S1PR3: variants seen among roughly 807,000 people sequenced by gnomAD.
S1PR3 encodes sphingosine 1-phosphate receptor 3.
In S1PR3, 12 loss-of-function variants were observed where a neutral mutation model predicts 13.3. That is an observed-to-expected ratio of 0.90 (90% confidence interval 0.58 to 1.46). The LOEUF (loss-of-function observed/expected upper bound fraction) is 1.46. Among genes scored for constraint, S1PR3 ranks in the 40% most tolerant of loss-of-function variants. The pLI is 0.00. For missense variants in S1PR3, 450 were observed against 501.9 expected, an observed-to-expected ratio of 0.90 and a Z score of 0.99; for synonymous variants, 232 against 214.0, an observed-to-expected ratio of 1.08 and a Z score of -0.73.
rs1564063245 is a variant in S1PR3 at position 89,001,145 on chromosome 9, G to A, written c.-56G>A. The stretch of plus-strand genomic sequence containing the variant: ...AGCCCCGCTTCCCTTTGAAATGAAT[G>A]TTCCTGGGGCGCCCTCTCGTGGATT... On this transcript the variant is annotated 5_prime_UTR_variant, in exon 2 of 2. It removes an upstream start codon present in the reference 5' UTR. Transcript: ENST00000358157. 6.3e-7 allele frequency: 1 copy of A among 1,578,516 alleles called. No individual in the cohort carries two copies. The highest frequency in any genetic ancestry group is 1.2e-5 in the South Asian group (1 of 85,836).
In S1PR3 at chr9:88,991,546, A is replaced by G; in HGVS notation, c.-297A>G. Reference sequence around the variant, plus strand: ...AGGCGGCTGCAGGACGCGACCGAGCAGGACCCCAGGCCCGGGAACGACGTC... The same window carrying G: ...AGGCGGCTGCAGGACGCGACCGAGCGGGACCCCAGGCCCGGGAACGACGTC... On this transcript the variant is annotated 5_prime_UTR_variant, in exon 1 of 2. Transcript: ENST00000358157. This position sits in a 1 kb window ranked among gnomAD's most constrained non-coding sequence, Gnocchi z 4.0. 2 of 1,546,958 alleles carry G rather than the reference A, an allele frequency of 1.3e-6. No homozygotes were observed. Among genetic ancestry groups the G allele is most frequent in the Non-Finnish European group, 8.7e-7 (1 of 1,145,782 alleles).
rs373129056 is a variant in S1PR3 at position 89,001,845 on chromosome 9, C to T, written c.645C>T (p.Tyr215=). 2.7e-5 allele frequency: 43 copies of T among 1,614,120 alleles called. No individual in the cohort carries two copies. The highest frequency in any genetic ancestry group is 3.4e-5 in the Non-Finnish European group (40 of 1,180,052). ...TAILVTIVIL[Y]ARIYFLVKSS... ...TCCTGGTGACCATCGTGATCCTCTA[C>T]GCACGCATCTACTTCCTGGTGAAGT... is the stretch of plus-strand genomic sequence containing the variant. The change falls in exon 2 of 2, where the codon TAC becomes TAT. Residue 215 remains tyrosine, a synonymous_variant. Transcript: ENST00000358157.
In S1PR3 at chr9:88,992,355, T is replaced by G. The variant is rs372661248; in HGVS notation, c.-148+660T>G. 5.4e-5 allele frequency: 14 copies of G among 257,298 alleles called. No individual in the cohort carries two copies. In the East Asian group the frequency reaches 6.3e-4, roughly 12 times the overall value. 15.9% of individuals were successfully genotyped at this position (257,298 alleles called of 1,614,324 possible). On this transcript the variant is annotated intron_variant, in intron 1 of 1. Transcript: ENST00000358157. ...AATGGTATATTTCTTTGTGGTGTTT[T>G]TATATTTGGATATAAGAGAGGAACT... is the stretch of plus-strand genomic sequence containing the variant.
chr9:88,999,409 C>T (rs1377719229), intron 1 of S1PR3: 3 of 152,230 alleles, frequency 2.0e-5, no homozygotes, highest in African/African-American at 7.2e-5. Context: ...TCCAGAGGGT[C>T]ACGAGGATAC....
Position 89,002,341 on chromosome 9 carries a change from T to A in S1PR3, c.*4T>A. ...GAATGGGATCTTCTGCAACTGATCG[T>A]CTCCATGCGCCCTGCTCTGCGGCTG... On this transcript the variant is annotated 3_prime_UTR_variant, in exon 2 of 2. Transcript: ENST00000358157. The A allele has an allele frequency of 6.2e-7, 1 of 1,613,534 alleles. No homozygotes were observed. The highest frequency in any genetic ancestry group is 1.1e-5 in the South Asian group (1 of 91,044).
At chr9:88,993,844 T>C (rs1379465192) in intron 1 of S1PR3, 2 of 152,328 alleles carry the variant, frequency 1.3e-5, no homozygotes, top group Non-Finnish European at 2.9e-5. Context: ...AGTGACGAGA[T>C]TGTCCAGTGC....
chr9:89,003,583 A>AT lies in S1PR3; in HGVS notation c.*1251dup, dbSNP rs1345005297. The AT allele has an allele frequency of 1.2e-5, 2 of 167,126 alleles. No individual in the cohort carries two copies. The highest frequency in any genetic ancestry group is 3.8e-4 in the East Asian group (2 of 5,204). The allele number at this position is 167,126 out of a possible 1,614,324, so 10.4% of individuals were successfully genotyped here. A position where few individuals can be genotyped will look rare whatever the true frequency, so the allele number is the denominator to read the frequency against. ...CTTGTAAAGGGATTACTTAGAAGACATTTTTGTACATGCTCTTCCCCAAGG... is the reference window on the plus strand; with the variant it reads ...CTTGTAAAGGGATTACTTAGAAGACATTTTTTGTACATGCTCTTCCCCAAGG... On this transcript the variant is annotated 3_prime_UTR_variant, in exon 2 of 2. Coordinates refer to ENST00000358157, the MANE Select transcript of S1PR3 (RefSeq NM_005226.4).
In S1PR3 at chr9:89,002,473, T is replaced by TA; in HGVS notation, c.*137dup. On this transcript the variant is annotated 3_prime_UTR_variant, in exon 2 of 2. Coordinates refer to ENST00000358157, the MANE Select transcript of S1PR3 (RefSeq NM_005226.4). ...CAGCCTGCCCAGTGTGGATGTCTCTTACAGAGGGGGCCCAAGGAATCACCA... is the reference window on the plus strand; with the variant it reads ...CAGCCTGCCCAGTGTGGATGTCTCTTAACAGAGGGGGCCCAAGGAATCACCA... 2.8e-6 allele frequency: 3 copies of TA among 1,079,606 alleles called. No homozygotes were observed. Among genetic ancestry groups the TA allele is most frequent in the Non-Finnish European group, 4.0e-6 (3 of 754,758 alleles). The allele number at this position is 1,079,606 out of a possible 1,614,324, so 66.9% of individuals were successfully genotyped here.
rs1183845350 is a variant in S1PR3 at position 89,004,450 on chromosome 9, CA to C, written c.*2117del. 6.0e-6 allele frequency: 1 copy of C among 166,824 alleles called. No homozygotes were observed. Among genetic ancestry groups the C allele is most frequent in the African/African-American group, 2.4e-5 (1 of 41,406 alleles). The allele number at this position is 166,824 out of a possible 1,614,324, so 10.3% of individuals were successfully genotyped here. On this transcript the variant is annotated 3_prime_UTR_variant, in exon 2 of 2. Transcript: ENST00000358157. Reference sequence around the variant, plus strand: ...ACAACAACAAAATGCATCAGAGAGCCAAAACATTCAGTATTGCATTTTCACA... The same window carrying C: ...ACAACAACAAAATGCATCAGAGAGCCAAACATTCAGTATTGCATTTTCACA...
In S1PR3 at chr9:89,003,788, T is replaced by G. The variant is rs758805983; in HGVS notation, c.*1451T>G. On this transcript the variant is annotated 3_prime_UTR_variant, in exon 2 of 2. Coordinates refer to ENST00000358157, the MANE Select transcript of S1PR3 (RefSeq NM_005226.4). ...TAGGTTCAGTGAGCATTTGCCTGAA[T>G]AAAACCTAAAAGAGTAGTCTTAACA... 1.2e-5 allele frequency: 2 copies of G among 165,946 alleles called. No homozygotes were observed. Among genetic ancestry groups the G allele is most frequent in the African/African-American group, 4.8e-5 (2 of 41,472 alleles). 10.3% of individuals were successfully genotyped at this position (165,946 alleles called of 1,614,324 possible).
At chr9:88,994,484 C>G (rs1448206168) in intron 1 of S1PR3, 2 of 166,986 alleles carry the variant, frequency 1.2e-5, no homozygotes, top group Admixed American at 1.3e-4. Context: ...CTGTGGAAAT[C>G]TTGAGAATCA....
Position 88,991,982 on chromosome 9 carries a change from CAAT to C in S1PR3, c.-148+288_-148+290del, listed in dbSNP as rs752736027. 1 of 1,614,224 alleles carries C rather than the reference CAAT, an allele frequency of 6.2e-7. No individual in the cohort carries two copies. Reference sequence around the variant, plus strand: ...AGTTCCATCAGTCGTTTTCCTTGGACAATTAACAAGTTAGGCTTCCACAGTGCC... The same window carrying C: ...AGTTCCATCAGTCGTTTTCCTTGGACTAACAAGTTAGGCTTCCACAGTGCC... On this transcript the variant is annotated intron_variant, in intron 1 of 1. Transcript: ENST00000358157. The surrounding 1 kb of genome is among the most constrained non-coding windows in gnomAD (Gnocchi z 4.0).
rs569742443 is a variant in S1PR3 at position 89,001,135 on chromosome 9, T to G, written c.-66T>G. 1.5e-4 allele frequency: 228 copies of G among 1,560,930 alleles called. No individual in the cohort carries two copies. The highest frequency in any genetic ancestry group is 1.8e-4 in the Non-Finnish European group (204 of 1,147,960). On this transcript the variant is annotated 5_prime_UTR_variant, in exon 2 of 2. Coordinates refer to ENST00000358157, the MANE Select transcript of S1PR3 (RefSeq NM_005226.4). The stretch of plus-strand genomic sequence containing the variant: ...CCGGAACCTCAGCCCCGCTTCCCTT[T>G]GAAATGAATGTTCCTGGGGCGCCCT...
chr9:89,001,657 C>G lies in S1PR3; in HGVS notation c.457C>G (p.Arg153Gly). 1 of 1,614,216 alleles carries G rather than the reference C, an allele frequency of 6.2e-7. No homozygotes were observed. The highest frequency in any genetic ancestry group is 1.1e-5 in the South Asian group (1 of 91,082). ...MRPYDANKRH[R>G]VFLLIGMCWL... is the part of the protein sequence containing the mutation. Reference sequence around the variant, plus strand: ...GCCTTACGACGCCAACAAGAGGCACCGCGTCTTCCTCCTGATCGGGATGTG... The same window carrying G: ...GCCTTACGACGCCAACAAGAGGCACGGCGTCTTCCTCCTGATCGGGATGTG... The change falls in exon 2 of 2, where the codon CGC (arginine) becomes GGC (glycine). Residue 153 changes from arginine (R) to glycine (G), a missense_variant. Transcript: ENST00000358157.
In S1PR3 at chr9:89,001,592, C is replaced by A. The variant is rs533101623; in HGVS notation, c.392C>A (p.Ala131Asp). Residue 131 changes from alanine to aspartate, a missense_variant, in exon 2 of 2, where the codon GCC becomes GAC. By Grantham distance (126) the Ala-to-Asp change is moderately radical. Coordinates refer to ENST00000358157, the MANE Select transcript of S1PR3 (RefSeq NM_005226.4). Reference sequence around the variant, plus strand: ...GGGGCGTCCACCTGCAGCTTACTGGCCATCGCCATCGAGCGGCACTTGACA... The same window carrying A: ...GGGGCGTCCACCTGCAGCTTACTGGACATCGCCATCGAGCGGCACTTGACA... ...ALGASTCSLL[A>D]IAIERHLTMI... 1 of 1,614,228 alleles carries A rather than the reference C, an allele frequency of 6.2e-7. No individual in the cohort carries two copies. The highest frequency in any genetic ancestry group is 2.2e-5 in the East Asian group (1 of 44,876).
At chr9:88,998,856 C>G (rs954491121) in intron 1 of S1PR3, 4 of 152,310 alleles carry the variant, frequency 2.6e-5, no homozygotes, top group Admixed American at 2.6e-4. Flanking sequence ...ACTGGACTGT[C>G]CTGTTTGCCT....
intron 1 of S1PR3, chr9:88,999,960 C>T (rs762127320): frequency 3.9e-5 from 6 of 152,180 alleles, no homozygotes; most frequent in Admixed American, 2.0e-4. Context: ...CGAGATCGCA[C>T]CACTGCATTC....
At position 89,002,052 on chromosome 9, in the gene S1PR3, C is replaced by T. The variant is rs149061614; in HGVS notation, c.852C>T (p.Ile284=). 7 of 1,614,078 alleles carry T rather than the reference C, an allele frequency of 4.3e-6. No individual in the cohort carries two copies. The highest frequency in any genetic ancestry group is 2.7e-5 in the African/African-American group (2 of 75,024). The change falls in exon 2 of 2, where the codon ATC becomes ATT. Residue 284 remains isoleucine (I), a synonymous_variant. Coordinates refer to ENST00000358157, the MANE Select transcript of S1PR3 (RefSeq NM_005226.4). ...CPILFKAQWF[I]VLAVLNSAMN... ...TCCTCTTCAAGGCTCAGTGGTTCATCGTGTTGGCTGTGCTCAACTCCGCCA... is the reference window on the plus strand; with the variant it reads ...TCCTCTTCAAGGCTCAGTGGTTCATTGTGTTGGCTGTGCTCAACTCCGCCA...
rs762390756 is a variant in S1PR3 at position 89,001,347 on chromosome 9, C to T, written c.147C>T (p.Ile49=). 1.9e-6 allele frequency: 3 copies of T among 1,614,128 alleles called. No individual in the cohort carries two copies. Among genetic ancestry groups the T allele is most frequent in the Admixed American group, 3.3e-5 (2 of 60,014 alleles). ...STLTTVLFLV[I]CSFIVLENLM... ...TCACCACCGTGCTCTTCTTGGTCAT[C>T]TGCAGCTTCATCGTCTTGGAGAACC... Residue 49 remains isoleucine (I), a synonymous_variant, in exon 2 of 2, where the codon ATC becomes ATT. Coordinates refer to ENST00000358157, the MANE Select transcript of S1PR3 (RefSeq NM_005226.4).
Sources: gnomAD v4.1 joint callset for allele counts on GRCh38, gnomAD v4.1.1 for gene constraint, Gnocchi (gnomAD v3.1) non-coding constraint, MANE v1.5 for transcripts, NCBI Gene and HGNC (gene_info 2026-07-23, HGNC 2026-07-21) for gene names.